LMBRD1: variants seen among roughly 807,000 people sequenced by gnomAD.
LMBRD1 encodes LMBR1 domain containing 1, also known as lysosomal cobalamin transport escort protein LMBD1.
In LMBRD1, 64 loss-of-function variants were observed where a neutral mutation model predicts 74.8. The ratio of observed to expected loss-of-function variants is 0.86; its 90% CI spans 0.70 to 1.05. LMBRD1 has a LOEUF of 1.05. LMBRD1 is among the 50% of genes least tolerant of loss of function. The pLI is 0.00. For missense variants in LMBRD1, 652 were observed against 645.9 expected, an observed-to-expected ratio of 1.01 and a Z score of -0.10; for synonymous variants, 204 against 216.3, an observed-to-expected ratio of 0.94 and a Z score of 0.50.
chr6:69,793,649 G>A (rs1395965922), intron 1 of LMBRD1, among the ~76,000 whole-genome samples: 2 of 150,546 alleles, frequency 1.3e-5, no homozygotes, highest in African/African-American at 4.9e-5. Context: ...AATTCCTTAT[G>A]TGTGAAGAAA....
intron 7 of LMBRD1, among the ~76,000 whole-genome samples, chr6:69,730,005 A>G (rs1766821129): frequency 6.6e-6 from 1 of 151,864 alleles, no homozygotes; most frequent in African/African-American, 2.4e-5. Flanking sequence ...GAAACACAAA[A>G]CTTTTATTAC....
intron 2 of LMBRD1, among the ~76,000 whole-genome samples, chr6:69,787,180 G>A (rs1765970187): frequency 6.6e-6 from 1 of 152,136 alleles, no homozygotes; most frequent in African/African-American, 2.4e-5. Context: ...CTAGGCACCT[G>A]AATTCAGTAA....
intron 14 of LMBRD1, among the ~76,000 whole-genome samples, chr6:69,693,218 G>A (rs1342442551): frequency 6.6e-6 from 1 of 152,002 alleles, no homozygotes; most frequent in East Asian, 1.9e-4. Context: ...CATAAAAATA[G>A]TAAGATAGGC....
At chr6:69,702,261 A>G (rs1766148848) in intron 9 of LMBRD1, among the ~76,000 whole-genome samples, 1 of 148,790 alleles carries the variant, frequency 6.7e-6, no homozygotes, top group Non-Finnish European at 1.5e-5. Flanking sequence ...AATGAGACTG[A>G]AAAGTACATT....
At chr6:69,740,347 C>T (rs1329824416) in intron 6 of LMBRD1, among the ~76,000 whole-genome samples, 1 of 152,070 alleles carries the variant, frequency 6.6e-6, no homozygotes, top group Non-Finnish European at 1.5e-5. Flanking sequence ...CAGAATAATG[C>T]TACCTATCTA....
chr6:69,780,899 C>G (rs755411370), intron 2 of LMBRD1, among the ~76,000 whole-genome samples: 2 of 152,076 alleles, frequency 1.3e-5, no homozygotes, highest in Non-Finnish European at 2.9e-5. Flanking sequence ...AGAACATACA[C>G]AGAACGTTTG....
At chr6:69,795,084 T>G (rs116596153) in intron 1 of LMBRD1, among the ~76,000 whole-genome samples, 63 of 152,322 alleles carry the variant, frequency 4.1e-4, no homozygotes, top group African/African-American at 1.5e-3. Flanking sequence ...CTCCATACAC[T>G]TCGACTAAAA....
intron 14 of LMBRD1, among the ~76,000 whole-genome samples, chr6:69,691,873 C>T (rs1765888306): frequency 2.2e-5 from 2 of 90,734 alleles, no homozygotes; most frequent in South Asian, 4.5e-4. Flanking sequence ...GAGACTCCGT[C>T]TCAAAAAAAA....
intron 5 of LMBRD1, among the ~76,000 whole-genome samples, chr6:69,747,640 G>T (rs193223077): frequency 1.3e-3 from 200 of 152,236 alleles, no homozygotes; most frequent in African/African-American, 4.6e-3. Context: ...TCCTATCAGA[G>T]CACTTAAACA....
intron 1 of LMBRD1, among the ~76,000 whole-genome samples, chr6:69,795,437 C>A (rs1371576852): frequency 6.6e-6 from 1 of 152,190 alleles, no homozygotes; most frequent in East Asian, 1.9e-4. Context: ...TATCTTCAGG[C>A]CCTCTTTAAA....
At chr6:69,759,826 T>A (rs1282442935) in intron 3 of LMBRD1, among the ~76,000 whole-genome samples, 5 of 152,120 alleles carry the variant, frequency 3.3e-5, no homozygotes, top group Non-Finnish European at 5.9e-5. Context: ...CTTTAAAAAA[T>A]TTCTTAAATC....
chr6:69,711,665 T>C (rs979619840), intron 9 of LMBRD1, among the ~76,000 whole-genome samples: 14 of 152,126 alleles, frequency 9.2e-5, no homozygotes, highest in African/African-American at 3.4e-4. Context: ...AAAGTGATTA[T>C]ATAGAAAAAT....
Position 69,741,821 on chromosome 6 carries a change from A to C in LMBRD1, c.530T>G (p.Val177Gly). 6.2e-7 allele frequency: 1 copy of C among 1,605,982 alleles called. No homozygotes were observed. The highest frequency in any genetic ancestry group is 8.5e-7 in the Non-Finnish European group (1 of 1,172,726). ...NNKNSTEWEK[V>G]KSLFEELGSS... ...TCCAAGTTCTTCAAATAGGGACTTC[A>C]CTTTTTCCCACTCTGTAGAATTTTT... The change falls in exon 6 of 16, where the codon GTG becomes GGG. Residue 177 changes from valine (V) to glycine (G), a missense_variant. By Grantham distance (109) the Val-to-Gly change is moderately radical (BLOSUM62 -3). Around this residue, in one of 3 missense-constraint regions of LMBRD1, gnomAD observed 598 missense variants for 581.8 expected, o/e 1.03. Coordinates refer to ENST00000649934, the MANE Select transcript of LMBRD1 (RefSeq NM_018368.4).
At chr6:69,747,088 G>T (rs1437196050) in intron 5 of LMBRD1, among the ~76,000 whole-genome samples, 1 of 151,198 alleles carries the variant, frequency 6.6e-6, no homozygotes, top group African/African-American at 2.4e-5. Context: ...AAATCCATAT[G>T]TTGAAGCCCT....
chr6:69,681,724 G>C (rs1167917810), intron 14 of LMBRD1, among the ~76,000 whole-genome samples: 1 of 151,840 alleles, frequency 6.6e-6, no homozygotes, highest in Non-Finnish European at 1.5e-5. Flanking sequence ...TAGAAGCCTA[G>C]ACTATTTAGA....
Position 69,701,483 on chromosome 6 carries a change from A to G in LMBRD1, c.1043T>C (p.Leu348Pro), listed in dbSNP as rs1766128586. 5.0e-6 allele frequency: 8 copies of G among 1,608,036 alleles called. No individual in the cohort carries two copies. Among genetic ancestry groups the G allele is most frequent in the Non-Finnish European group, 6.8e-6 (8 of 1,175,830 alleles). Residue 348 changes from leucine (L) to proline (P), a missense_variant, in exon 11 of 16, where the codon CTG becomes CCG. Leu to Pro is a moderately conservative substitution (Grantham distance 98). Coordinates refer to ENST00000649934, the MANE Select transcript of LMBRD1 (RefSeq NM_018368.4). The part of the protein sequence containing the change: ...DSGFIIFGAN[L>P]SNPLNMLLPL... ...CAAAAGCATATTCAGTGGATTACTC[A>G]GGTTAGCTCCAAAAATTATGAAACC...
At chr6:69,701,009 C>T (rs1766116048) in intron 11 of LMBRD1, 140 bp from the exon 12 acceptor site, 1 of 574,966 alleles carries the variant, frequency 1.7e-6, no homozygotes, top group South Asian at 4.9e-5. Flanking sequence ...GGCTACTGTG[C>T]TTAAAAAAAA....
At chr6:69,774,342 C>T (rs1334717776) in intron 3 of LMBRD1, among the ~76,000 whole-genome samples, 1 of 152,166 alleles carries the variant, frequency 6.6e-6, no homozygotes, top group Non-Finnish European at 1.5e-5. Flanking sequence ...TTATAAATTA[C>T]CCAGTCTTGG....
chr6:69,729,618 T>C lies in LMBRD1; in HGVS notation c.636+8324A>G, dbSNP rs1180136221. ...CACAAAGTTATTTCCTTAAATGGAATTGATATACTTATTAGAAGAGCTGAA... is the reference window on the plus strand; with the variant it reads ...CACAAAGTTATTTCCTTAAATGGAACTGATATACTTATTAGAAGAGCTGAA... On this transcript the variant is annotated intron_variant, in intron 7 of 15. Transcript: ENST00000649934. Among the ~76,000 whole-genome samples, 7 of 152,056 alleles carry C rather than the reference T, an allele frequency of 4.6e-5. No individual in the cohort carries two copies. The East Asian group carries it at 7.7e-4, about 17-fold the overall frequency.
Sources: gnomAD v4.1 joint callset for allele counts (sites outside exome capture counted in the v4.1 genomes callset) on GRCh38, gnomAD v4.1.1 for gene constraint, gnomAD v4.1.1 regional missense constraint, MANE v1.5 for transcripts, NCBI Gene and HGNC (gene_info 2026-07-23, HGNC 2026-07-21) for gene names.